Variants in PUM3 observed in about 807,000 individuals in gnomAD.
The protein encoded by PUM3 is pumilio homolog 3.
PUM3 carries 91 observed loss-of-function variants against 84.0 expected under a neutral mutation model. The ratio of observed to expected loss-of-function variants is 1.08; its 90% CI spans 0.91 to 1.29. The LOEUF is 1.29. Among genes scored for constraint, PUM3 ranks in the 50% most tolerant of loss-of-function variants. The pLI is 0.00. For missense variants in PUM3, 1,067 were observed against 767.5 expected (o/e 1.39, Z -4.61); for synonymous variants, 321 against 266.7 (o/e 1.20, Z -1.98).
At chr9:2,827,018 T>C in intron 10 of PUM3, 55 bp downstream of exon 10, 2 of 1,434,046 alleles carry the variant, frequency 1.4e-6, no homozygotes, top group East Asian at 2.3e-5. Context: ...TTTTTCAAAT[T>C]TCTACACCGC....
chr9:2,834,811 A>T (rs554032386), intron 3 of PUM3, among the ~76,000 whole-genome samples: 1 of 144,472 alleles, frequency 6.9e-6, no homozygotes, highest in East Asian at 2.1e-4. Context: ...CCACAAACAG[A>T]GTGATACTAT....
intron 7 of PUM3, among the ~76,000 whole-genome samples, chr9:2,830,697 C>T (rs370747462): frequency 7.3e-4 from 111 of 152,230 alleles, no homozygotes; most frequent in African/African-American, 2.6e-3. Context: ...TGAGGGTATA[C>T]CTCCATCAAA....
chr9:2,808,745 A>G (rs1019392480), intron 16 of PUM3, among the ~76,000 whole-genome samples: 1 of 152,190 alleles, frequency 6.6e-6, no homozygotes, highest in African/African-American at 2.4e-5. Flanking sequence ...GCTGACCACA[A>G]TAATATCTCC....
chr9:2,839,859 A>G (rs1012136207), intron 1 of PUM3, among the ~76,000 whole-genome samples: 5 of 152,212 alleles, frequency 3.3e-5, no homozygotes, highest in African/African-American at 1.2e-4. Context: ...AAATAATTTT[A>G]GCTTTACAAA....
chr9:2,816,321 A>C (rs944013743), intron 13 of PUM3, among the ~76,000 whole-genome samples: 2 of 152,184 alleles, frequency 1.3e-5, no homozygotes, highest in African/African-American at 4.8e-5. Context: ...TTGTTCTGAA[A>C]ACAGGGTGAC....
At chr9:2,820,972 C>T (rs1358060704) in intron 12 of PUM3, among the ~76,000 whole-genome samples, 1 of 152,172 alleles carries the variant, frequency 6.6e-6, no homozygotes, top group Non-Finnish European at 1.5e-5. Flanking sequence ...TTGTTTCAAA[C>T]TCTGATAGGA....
chr9:2,821,154 A>G (rs1821580548), intron 12 of PUM3, among the ~76,000 whole-genome samples: 1 of 152,150 alleles, frequency 6.6e-6, no homozygotes, highest in Admixed American at 6.5e-5. Flanking sequence ...ACCAACTAAA[A>G]ATGGGCAAAG....
Position 2,830,564 on chromosome 9 carries a change from C to T in PUM3, c.677+398G>A, listed in dbSNP as rs1189958358. 2.6e-5 allele frequency among the ~76,000 whole-genome samples: 4 copies of T among 152,304 alleles called. No homozygotes were observed. The East Asian group carries it at 5.8e-4, about 22-fold the overall frequency. ...TCTTCTTCCAGAGGTTCAAGATAAA[C>T]ATTCACAAATCATCCATCATGTAAA... is the stretch of plus-strand genomic sequence containing the variant. On this transcript the variant is annotated intron_variant, in intron 7 of 17. Transcript: ENST00000397885.
chr9:2,830,067 T>C, intron 7 of PUM3, 119 bp from the exon 8 acceptor site: 2 of 771,740 alleles, frequency 2.6e-6, no homozygotes, highest in African/African-American at 1.7e-5. Flanking sequence ...GAGGAGTAAA[T>C]GAGCTAGCAT....
intron 10 of PUM3, among the ~76,000 whole-genome samples, chr9:2,826,099 G>GTTT (rs57188726): frequency 7.0e-6 from 1 of 143,336 alleles, no homozygotes. Flanking sequence ...TTCCCCGAAG[G>GTTT]TTTTTTTTTT....
chr9:2,832,141 T>C (rs1404685223), intron 5 of PUM3, among the ~76,000 whole-genome samples: 1 of 152,184 alleles, frequency 6.6e-6, no homozygotes, highest in East Asian at 1.9e-4. Flanking sequence ...TCCATCAAAG[T>C]CATAAATTTC....
chr9:2,841,142 T>C (rs1455258390), intron 1 of PUM3, among the ~76,000 whole-genome samples: 1 of 152,184 alleles, frequency 6.6e-6, no homozygotes, highest in Non-Finnish European at 1.5e-5. Flanking sequence ...CTTCCCACCA[T>C]CTACAATTTA....
Position 2,829,733 on chromosome 9 carries a change from G to A in PUM3, c.852+41C>T, listed in dbSNP as rs376827267. Reference sequence around the variant, plus strand: ...ACCGGAAGTTAAGGAAGAGCATATCGAAAAGTAAAAATACTAGAAAAAGAC... The same window carrying A: ...ACCGGAAGTTAAGGAAGAGCATATCAAAAAGTAAAAATACTAGAAAAAGAC... On this transcript the variant is annotated intron_variant, in intron 8 of 17. Coordinates refer to ENST00000397885, the MANE Select transcript of PUM3 (RefSeq NM_014878.5). The A allele has an allele frequency of 3.2e-6, 5 of 1,554,576 alleles. No homozygotes were observed. In the African/African-American group the frequency reaches 4.1e-5, roughly 13 times the overall value.
chr9:2,806,198 G>T (rs918790855), intron 17 of PUM3, among the ~76,000 whole-genome samples: 2 of 152,150 alleles, frequency 1.3e-5, no homozygotes, highest in Admixed American at 6.5e-5. Context: ...TGAGTGTAAT[G>T]AAAGAATGTG....
Position 2,827,068 on chromosome 9 carries a change from CT to C in PUM3, c.1035+4del. The stretch of plus-strand genomic sequence containing the variant: ...TTAGTTTAAAAACAAAAACCAAGAA[CT>C]TACTGATCTGAGTTTGGGGGGTGCA... On this transcript the variant is annotated splice_donor_region_variant and intron_variant, in intron 10 of 17. Transcript: ENST00000397885. 6.2e-7 allele frequency: 1 copy of C among 1,604,890 alleles called. No homozygotes were observed. The highest frequency in any genetic ancestry group is 8.5e-7 in the Non-Finnish European group (1 of 1,176,382).
intron 17 of PUM3, among the ~76,000 whole-genome samples, chr9:2,807,600 C>CAAAAAAAAA (rs71329449): frequency 6.0e-5 from 4 of 67,104 alleles, no homozygotes; most frequent in African/African-American, 1.9e-4. Flanking sequence ...GACTCCATCT[C>CAAAAAAAAA]AAAAAAAAAA....
rs754570031 is a variant in PUM3, at chr9:2,829,927, C to T, written c.699G>A (p.Glu233=). ...LMYGSKPQIA[E]IIRSFKGHVR... ...CGTGGCCTTTAAAACTTCTGATTATCTCTGCAATCTGTGGTTTACTTCTAA... is the reference window on the plus strand; with the variant it reads ...CGTGGCCTTTAAAACTTCTGATTATTTCTGCAATCTGTGGTTTACTTCTAA... The change falls in exon 8 of 18, where the codon GAG becomes GAA. Residue 233 remains glutamate (E), a synonymous_variant. Coordinates refer to ENST00000397885, the MANE Select transcript of PUM3 (RefSeq NM_014878.5). 26 of 1,612,762 alleles carry T rather than the reference C, an allele frequency of 1.6e-5. No homozygotes were observed. The highest frequency in any genetic ancestry group is 1.5e-4 in the African/African-American group (11 of 74,856).
At chr9:2,832,813 T>C (rs1816020360) in intron 5 of PUM3, among the ~76,000 whole-genome samples, 2 of 152,232 alleles carry the variant, frequency 1.3e-5, no homozygotes, top group Admixed American at 6.5e-5. Flanking sequence ...GAATCTGTTG[T>C]CTTCCAAGCC....
intron 17 of PUM3, 86 bp downstream of exon 17, chr9:2,807,728 A>C: frequency 2.4e-6 from 2 of 850,908 alleles, no homozygotes; most frequent in South Asian, 3.0e-5. Flanking sequence ...CTGAGAACAA[A>C]TATTAGAACT....
Sources: allele counts gnomAD v4.1 joint callset (sites outside exome capture counted in the v4.1 genomes callset), GRCh38; gene constraint gnomAD v4.1.1; transcripts MANE v1.5; gene names NCBI Gene and HGNC (gene_info 2026-07-23, HGNC 2026-07-21).